The following RALYL variants were observed in gnomAD, a reference collection of about 807,000 sequenced individuals.
The protein encoded by RALYL is RNA-binding Raly-like protein.
A neutral mutation model predicts 35.1 loss-of-function variants in RALYL; 29 were observed. The observed-to-expected ratio is 0.83, with a 90% confidence interval of 0.61 to 1.13. The LOEUF (loss-of-function observed/expected upper bound fraction) is 1.13. Among genes scored for constraint, RALYL ranks in the 50% most tolerant of loss-of-function variants. The pLI, the probability that RALYL is intolerant of heterozygous loss-of-function variation, is 0.00. For missense variants in RALYL, 359 were observed against 360.4 expected (o/e 1.00, Z 0.03); for synonymous variants, 120 against 127.6 (o/e 0.94, Z 0.40).
At chr8:84,817,608 T>G (rs1407300213) in intron 4 of RALYL, among the ~76,000 whole-genome samples, 1 of 151,906 alleles carries the variant, frequency 6.6e-6, no homozygotes, top group African/African-American at 2.4e-5. Flanking sequence ...CAGGTTGGAG[T>G]GCAGTGGTGC....
At chr8:84,745,814 C>T (rs999872261) in intron 2 of RALYL, among the ~76,000 whole-genome samples, 1 of 151,996 alleles carries the variant, frequency 6.6e-6, no homozygotes, top group Non-Finnish European at 1.5e-5. Flanking sequence ...TTTCCATATC[C>T]CTTGGGCCTA....
chr8:84,508,182 G>T (rs915568298), intron 1 of RALYL, among the ~76,000 whole-genome samples: 5 of 151,982 alleles, frequency 3.3e-5, no homozygotes, highest in Non-Finnish European at 5.9e-5. Context: ...AGCATGTGTT[G>T]TTCAAGTTCA....
At chr8:84,198,608 C>T (rs1302899897) in intron 1 of RALYL, among the ~76,000 whole-genome samples, 1 of 152,142 alleles carries the variant, frequency 6.6e-6, no homozygotes, top group African/African-American at 2.4e-5. Context: ...AGGTCTTATT[C>T]AGTCATTCCA....
At chr8:84,231,791 T>C (rs901144881) in intron 1 of RALYL, among the ~76,000 whole-genome samples, 14 of 152,156 alleles carry the variant, frequency 9.2e-5, no homozygotes, top group Non-Finnish European at 8.8e-5. Context: ...TGCACATCTA[T>C]TGAATAGTTA....
chr8:84,260,200 A>G (rs1049387038), intron 1 of RALYL, among the ~76,000 whole-genome samples: 1 of 152,206 alleles, frequency 6.6e-6, no homozygotes, highest in African/African-American at 2.4e-5. Context: ...CAATTTACCC[A>G]TGAAACAAAG....
At position 84,835,901 on chromosome 8, in the gene RALYL, A is replaced by G. The variant is rs1381505060; in HGVS notation, c.366-14079A>G. On this transcript the variant is annotated intron_variant, in intron 4 of 8. Coordinates refer to ENST00000521268, the MANE Select transcript of RALYL (RefSeq NM_173848.7). ...CCAGACAGAGCGTAGGTGCTGAGAA[A>G]TGCTGACGGATTAAAAGAGTAATTG... Among the ~76,000 whole-genome samples, 3 of 152,182 alleles carry G rather than the reference A, an allele frequency of 2.0e-5. No individual in the cohort carries two copies. In the East Asian group the frequency reaches 5.8e-4, roughly 29 times the overall value.
intron 2 of RALYL, among the ~76,000 whole-genome samples, chr8:84,615,571 T>C (rs1037866739): frequency 5.2e-5 from 3 of 57,878 alleles, no homozygotes; most frequent in African/African-American, 2.0e-4. Context: ...AACTTTCGTC[T>C]TTTTTTTTTT....
chr8:84,658,426 T>C (rs1479582488), intron 2 of RALYL, among the ~76,000 whole-genome samples: 2 of 152,206 alleles, frequency 1.3e-5, no homozygotes, highest in Non-Finnish European at 2.9e-5. Flanking sequence ...CTTCAGTTGA[T>C]ACATCTTTTT....
intron 1 of RALYL, among the ~76,000 whole-genome samples, chr8:84,468,045 G>A (rs1409010350): frequency 2.0e-5 from 3 of 149,078 alleles, no homozygotes; most frequent in Non-Finnish European, 1.5e-5. Flanking sequence ...GTCTCTGCAT[G>A]TGAGATGGGT....
intron 1 of RALYL, among the ~76,000 whole-genome samples, chr8:84,340,777 T>C (rs1022065936): frequency 6.6e-6 from 1 of 152,078 alleles, no homozygotes; most frequent in Non-Finnish European, 1.5e-5. Context: ...GCAATGTGCA[T>C]GGGAGTGCAG....
intron 1 of RALYL, among the ~76,000 whole-genome samples, chr8:84,345,666 C>T (rs193255919): frequency 1.4e-3 from 208 of 152,168 alleles, no homozygotes; most frequent in Non-Finnish European, 2.0e-3. Context: ...TCCCTGTCTA[C>T]CTTCCTTCAC....
chr8:84,822,077 T>G (rs1172633257), intron 4 of RALYL, among the ~76,000 whole-genome samples: 1 of 152,094 alleles, frequency 6.6e-6, no homozygotes, highest in Non-Finnish European at 1.5e-5. Context: ...TAAAAGCATA[T>G]AAAAGATGAA....
chr8:84,762,698 G>T (rs1203038805), intron 2 of RALYL, among the ~76,000 whole-genome samples: 1 of 152,016 alleles, frequency 6.6e-6, no homozygotes, highest in African/African-American at 2.4e-5. Context: ...AAGACTTTCT[G>T]AACTTCAATA....
At chr8:84,439,302 T>A (rs951056649) in intron 1 of RALYL, among the ~76,000 whole-genome samples, 3 of 152,154 alleles carry the variant, frequency 2.0e-5, no homozygotes, top group Non-Finnish European at 2.9e-5. Context: ...ATCTTTCAAC[T>A]CACAGGAGTC....
intron 2 of RALYL, among the ~76,000 whole-genome samples, chr8:84,562,204 G>A (rs2061507983): frequency 6.6e-6 from 1 of 151,902 alleles, no homozygotes; most frequent in African/African-American, 2.4e-5. Flanking sequence ...CAGCTATCAT[G>A]TAACCTCATC....
chr8:84,492,003 A>G (rs907963851), intron 1 of RALYL, among the ~76,000 whole-genome samples: 4 of 152,032 alleles, frequency 2.6e-5, no homozygotes, highest in Admixed American at 2.0e-4. Flanking sequence ...ATTCATATAA[A>G]TAAAGCATTT....
At position 84,811,730 on chromosome 8, in the gene RALYL, G is replaced by A. The variant is rs370909948; in HGVS notation, c.365+6928G>A. 8.3e-4 allele frequency among the ~76,000 whole-genome samples: 126 copies of A among 152,130 alleles called. 2 individuals are homozygous for A. Among genetic ancestry groups the A allele is most frequent in the African/African-American group, 2.9e-3 (119 of 41,528 alleles). ...CATATTTTCTTATTCTTTATTATTTGTCATGGTTGGATTGGTTTAATTTGA... is the reference window on the plus strand; with the variant it reads ...CATATTTTCTTATTCTTTATTATTTATCATGGTTGGATTGGTTTAATTTGA... On this transcript the variant is annotated intron_variant, in intron 4 of 8. Transcript: ENST00000521268.
intron 2 of RALYL, among the ~76,000 whole-genome samples, chr8:84,683,004 C>T (rs1426708146): frequency 6.6e-6 from 1 of 152,200 alleles, no homozygotes; most frequent in Non-Finnish European, 1.5e-5. Context: ...CCTCTACACA[C>T]TGCTTTGAAT....
intron 1 of RALYL, among the ~76,000 whole-genome samples, chr8:84,268,800 G>A (rs956752927): frequency 1.3e-5 from 2 of 152,236 alleles, no homozygotes; most frequent in Non-Finnish European, 2.9e-5. Context: ...AACTGCATGG[G>A]TCTTTTGGTA....
Sources: allele counts gnomAD v4.1 joint callset (sites outside exome capture counted in the v4.1 genomes callset), GRCh38; gene constraint gnomAD v4.1.1; transcripts MANE v1.5; gene names NCBI Gene and HGNC (gene_info 2026-07-23, HGNC 2026-07-21).